AREL1: variants seen among roughly 807,000 people sequenced by gnomAD.
The protein encoded by AREL1 is apoptosis resistant E3 ubiquitin protein ligase 1, also known as apoptosis-resistant E3 ubiquitin protein ligase 1.
Under a neutral mutation model 99.0 loss-of-function variants are expected in AREL1, and 62 were observed. The ratio of observed to expected loss-of-function variants is 0.63; its 90% confidence interval spans 0.51 to 0.77. AREL1 has a LOEUF of 0.77. Among genes scored for constraint, AREL1 ranks in the 30% least tolerant of loss-of-function variants. The pLI, the probability that AREL1 is intolerant of heterozygous loss-of-function variation, is 0.00. For synonymous variants in AREL1, 380 were observed against 376.5 expected (o/e 1.01, Z -0.11); for missense variants, 879 against 1,027.6 (o/e 0.86, Z 1.98).
At chr14:74,677,050 T>C (rs983347508) in intron 5 of AREL1, among the ~76,000 whole-genome samples, 33 of 152,022 alleles carry the variant, frequency 2.2e-4, no homozygotes, top group Middle Eastern at 3.4e-3. Context: ...CCGCCCGCCT[T>C]GGCCTCCCAA....
chr14:74,697,421 TCTAA>T (rs1175579370), intron 1 of AREL1, among the ~76,000 whole-genome samples: 14 of 152,162 alleles, frequency 9.2e-5, no homozygotes, highest in African/African-American at 1.4e-4. Context: ...GTTAGGGTGG[TCTAA>T]CTAAGGAGGT....
At chr14:74,711,827 A>G (rs573228187) in intron 1 of AREL1, 4 of 152,246 alleles carry the variant, frequency 2.6e-5, no homozygotes, top group Non-Finnish European at 5.9e-5. Flanking sequence ...CAGAGCAAGG[A>G]TTTTAACCCC....
At chr14:74,693,989 C>T (rs377691368) in intron 1 of AREL1, among the ~76,000 whole-genome samples, 2 of 152,054 alleles carry the variant, frequency 1.3e-5, no homozygotes, top group Admixed American at 6.6e-5. Flanking sequence ...CCAGCCTGGG[C>T]GACATAACAA....
chr14:74,688,081 A>G (rs1594770404), intron 2 of AREL1, among the ~76,000 whole-genome samples: 1 of 130,756 alleles, frequency 7.6e-6, no homozygotes, highest in Non-Finnish European at 1.5e-5. Flanking sequence ...GCTGGAGTGC[A>G]GTGGTGTGAT....
chr14:74,692,631 T>C (rs936466385), intron 1 of AREL1, among the ~76,000 whole-genome samples: 3 of 152,330 alleles, frequency 2.0e-5, no homozygotes, highest in South Asian at 2.1e-4. Flanking sequence ...CCTATCCTTA[T>C]GACATTATTC....
intron 17 of AREL1, among the ~76,000 whole-genome samples, chr14:74,666,805 C>T (rs966132687): frequency 2.4e-4 from 36 of 151,358 alleles, no homozygotes; most frequent in African/African-American, 8.0e-4. Flanking sequence ...CTGCAACTTC[C>T]GCCTCCGGGG....
intron 1 of AREL1, among the ~76,000 whole-genome samples, chr14:74,694,990 GA>G (rs548884827): frequency 0.29 from 23,762 of 82,748 alleles, 2,200 homozygotes; most frequent in African/African-American, 0.35. Flanking sequence ...CTCTGTCTCG[GA>G]AAAAAAAAAA....
intron 1 of AREL1, among the ~76,000 whole-genome samples, chr14:74,702,520 C>A (rs975730456): frequency 5.9e-5 from 9 of 152,130 alleles, no homozygotes; most frequent in Non-Finnish European, 8.8e-5. Flanking sequence ...GGGACCTGGG[C>A]CCTGCCTTCA....
intron 1 of AREL1, 28 bp downstream of exon 1, chr14:74,712,905 T>C (rs1297615361): frequency 3.2e-6 from 2 of 629,540 alleles, no homozygotes; most frequent in East Asian, 3.1e-5. Context: ...TCTTCTGGGC[T>C]CTGCCTAAGG....
Position 74,670,028 on chromosome 14 carries a change from T to C in AREL1, c.1707A>G (p.Gly569=), listed in dbSNP as rs775630852. ...CTCGGACCAACTGCTTGTAGGCTCC[T>C]CCTAGAGAGGACTCATAGAGACACT... ...VGKCLYESSL[G]GAYKQLVRAR... Residue 569 remains glycine (G), a synonymous_variant, in exon 14 of 20, where the codon GGA becomes GGG. Transcript: ENST00000356357. The C allele has an allele frequency of 8.1e-6, 13 of 1,614,000 alleles. No individual in the cohort carries two copies. Among genetic ancestry groups the C allele is most frequent in the Non-Finnish European group, 1.1e-5 (13 of 1,180,002 alleles).
chr14:74,700,505 G>A lies in AREL1; in HGVS notation c.-333-8177C>T, dbSNP rs10145366. Among the ~76,000 whole-genome samples, 1,251 of 152,258 alleles carry A rather than the reference G, an allele frequency of 8.2e-3. 12 individuals carry two copies. Among genetic ancestry groups the A allele is most frequent in the African/African-American group, 0.028 (1,171 of 41,540 alleles). On this transcript the variant is annotated intron_variant, in intron 1 of 19. Transcript: ENST00000356357. ...ATTTAATTTGAAATTTTAGCCGGGC[G>A]CAGTGGCTCACACCTGTAATTCCAG... is the stretch of plus-strand genomic sequence containing the variant.
intron 5 of AREL1, among the ~76,000 whole-genome samples, chr14:74,677,094 C>G (rs2089502859): frequency 6.6e-6 from 1 of 151,918 alleles, no homozygotes; most frequent in South Asian, 2.1e-4. Flanking sequence ...CCACCACGCC[C>G]GGCTGGAATC....
At chr14:74,674,142 A>G (rs1302227498) in intron 8 of AREL1, 31 bp from the exon 9 acceptor site, 1 of 1,565,730 alleles carries the variant, frequency 6.4e-7, no homozygotes, top group South Asian at 1.1e-5. Flanking sequence ...AAATGAAGTG[A>G]ATGATAAATA....
chr14:74,683,687 C>G (rs1404458384), intron 4 of AREL1, among the ~76,000 whole-genome samples, 154 bp from the exon 5 acceptor site: 1 of 152,156 alleles, frequency 6.6e-6, no homozygotes, highest in East Asian at 1.9e-4. Flanking sequence ...CACAAAAACA[C>G]AGAGAGAAAC....
intron 2 of AREL1, among the ~76,000 whole-genome samples, chr14:74,691,352 T>G (rs1217882172): frequency 8.0e-6 from 1 of 124,756 alleles, no homozygotes; most frequent in East Asian, 2.4e-4. Context: ...AAAAAAAGCC[T>G]ACGTCTAACT....
intron 2 of AREL1, among the ~76,000 whole-genome samples, chr14:74,691,670 T>C (rs1166407731): frequency 6.6e-6 from 1 of 152,250 alleles, no homozygotes; most frequent in Non-Finnish European, 1.5e-5. Flanking sequence ...TGCTTAATAC[T>C]ACAGCATTTT....
At chr14:74,665,742 C>T (rs181156639) in intron 17 of AREL1, among the ~76,000 whole-genome samples, 1 of 152,160 alleles carries the variant, frequency 6.6e-6, no homozygotes, top group Non-Finnish European at 1.5e-5. Context: ...TAATTTGGTT[C>T]AGGATCCAGC....
intron 15 of AREL1, among the ~76,000 whole-genome samples, chr14:74,668,218 C>T (rs975879973): frequency 6.6e-6 from 1 of 152,190 alleles, no homozygotes; most frequent in East Asian, 1.9e-4. Context: ...AACTGTATGA[C>T]TCTCAAACAG....
chr14:74,672,893 G>A lies in AREL1; in HGVS notation c.1360C>T (p.His454Tyr), dbSNP rs1489324102. 2.5e-6 allele frequency: 4 copies of A among 1,614,036 alleles called. No homozygotes were observed. ...ACTTTGGAATGTGGTCTTTTCATAT[G>A]TACCTGCCGAAGCTCTCGCTGGAAA... ...NFFQRELRQV[H>Y]MKRPHSKVTL... The change falls in exon 11 of 20, where the codon CAT becomes TAT. Residue 454 changes from histidine to tyrosine, a missense_variant. By Grantham distance (83) the His-to-Tyr change is moderately conservative. Coordinates refer to ENST00000356357, the MANE Select transcript of AREL1 (RefSeq NM_001039479.2).
Sources: gnomAD v4.1 joint callset for allele counts (sites outside exome capture counted in the v4.1 genomes callset) on GRCh38, gnomAD v4.1.1 for gene constraint, MANE v1.5 for transcripts, NCBI Gene and HGNC (gene_info 2026-07-23, HGNC 2026-07-21) for gene names.